The following CAAP1 variants were observed in gnomAD, a reference collection of about 807,000 sequenced individuals.
CAAP1 encodes conserved anti-apoptotic protein.
In CAAP1, 20 loss-of-function variants were observed where a neutral mutation model predicts 34.0. The ratio of observed to expected loss-of-function variants is 0.59; its 90% CI spans 0.41 to 0.86. The LOEUF (loss-of-function observed/expected upper bound fraction) is 0.86, where lower values mean the gene tolerates loss of function less well. Ranked by LOEUF, CAAP1 falls within the 40% of genes least tolerant of loss-of-function variation. CAAP1 has a pLI of 0.00. For missense variants in CAAP1, 538 were observed against 450.5 expected (o/e 1.19, Z -1.76); for synonymous variants, 213 against 166.7 (o/e 1.28, Z -2.14).
At chr9:26,858,849 T>C (rs1448892808) in intron 5 of CAAP1, among the ~76,000 whole-genome samples, 1 of 131,792 alleles carries the variant, frequency 7.6e-6, no homozygotes, top group Admixed American at 7.7e-5. Context: ...GAAAAAGAAA[T>C]TAGCTAGGAA....
chr9:26,871,202 T>C (rs147169949), intron 4 of CAAP1, among the ~76,000 whole-genome samples: 5 of 152,350 alleles, frequency 3.3e-5, no homozygotes, highest in Admixed American at 6.5e-5. Context: ...ACAATTCAAA[T>C]TCTTAGTATT....
At chr9:26,890,606 C>G (rs1823877289) in intron 1 of CAAP1, among the ~76,000 whole-genome samples, 1 of 152,032 alleles carries the variant, frequency 6.6e-6, no homozygotes, top group Non-Finnish European at 1.5e-5. Context: ...CTAATTCAAT[C>G]CATTACAAAA....
rs368238831 is a variant in CAAP1 at position 26,888,522 on chromosome 9, T to C, written c.304-1009A>G. On this transcript the variant is annotated intron_variant, in intron 1 of 5. Coordinates refer to ENST00000333916, the MANE Select transcript of CAAP1 (RefSeq NM_024828.4). ...TGACCACAGAGGTCAGATAGTTGTT[T>C]ACAAAGCAGTTTTAAAATGGGTCAG... Among the ~76,000 whole-genome samples, 4 of 152,256 alleles carry C rather than the reference T, an allele frequency of 2.6e-5. No homozygotes were observed. In the East Asian group the frequency reaches 5.8e-4, roughly 22 times the overall value.
chr9:26,892,184 T>TA lies in CAAP1; in HGVS notation c.303+228dup, dbSNP rs200922414. 1,553 of 1,232,000 alleles carry TA rather than the reference T, an allele frequency of 1.3e-3. 7 individuals are homozygous for TA. In the African/African-American group the frequency reaches 0.016, roughly 12 times the overall value. 76.3% of individuals were successfully genotyped at this position (1,232,000 alleles called of 1,614,324 possible). A position where few individuals can be genotyped will look rare whatever the true frequency, so the allele number is the denominator to read the frequency against. The stretch of plus-strand genomic sequence containing the variant: ...GGAGCCAAGAGTTTAAAAAATAAAT[T>TA]AAAAAAAAAGTGATCAGGAAATCCA... On this transcript the variant is annotated intron_variant, in intron 1 of 5. Transcript: ENST00000333916.
intron 4 of CAAP1, among the ~76,000 whole-genome samples, chr9:26,872,709 A>C (rs1271770408): frequency 6.6e-6 from 1 of 151,948 alleles, no homozygotes; most frequent in Non-Finnish European, 1.5e-5. Flanking sequence ...GGCATAAGCC[A>C]CCATCCCCTA....
rs183631663 is a variant in CAAP1, at chr9:26,857,318, G to A, written c.739+3748C>T. Among the ~76,000 whole-genome samples, 20 of 152,320 alleles carry A rather than the reference G, an allele frequency of 1.3e-4. 1 individual carries two copies. In the East Asian group the frequency reaches 3.1e-3, roughly 23 times the overall value. On this transcript the variant is annotated intron_variant, in intron 5 of 5. Coordinates refer to ENST00000333916, the MANE Select transcript of CAAP1 (RefSeq NM_024828.4). ...GATGTTTCTTATACAACTACATTCT[G>A]AGTGAAATGAATGATTTAAGAAATA...
rs1268532809 is a variant in CAAP1 at position 26,886,093 on chromosome 9, T to C, written c.589+11A>G. ...AAGAAGTTGCCAGAATGTAAAAATA[T>C]GTATTCTTACCCTCAAGAATCTTCA... is the stretch of plus-strand genomic sequence containing the variant. On this transcript the variant is annotated intron_variant, in intron 3 of 5. Transcript: ENST00000333916. 1.4e-6 allele frequency: 2 copies of C among 1,416,488 alleles called. No homozygotes were observed. The highest frequency in any genetic ancestry group is 2.4e-5 in the East Asian group (1 of 42,238). The allele number at this position is 1,416,488 out of a possible 1,614,324, so 87.7% of individuals were successfully genotyped here.
At chr9:26,884,769 C>T (rs1279738306) in intron 4 of CAAP1, 41 bp downstream of exon 4, 1 of 1,375,154 alleles carries the variant, frequency 7.3e-7, no homozygotes, top group Non-Finnish European at 1.0e-6. Context: ...AAAGGAATAA[C>T]AAAGAAATTT....
chr9:26,865,580 G>A (rs919848976), intron 4 of CAAP1, among the ~76,000 whole-genome samples: 1 of 145,610 alleles, frequency 6.9e-6, no homozygotes, highest in Non-Finnish European at 1.5e-5. Flanking sequence ...AAGGAATGGA[G>A]GGGGAAATCC....
intron 4 of CAAP1, among the ~76,000 whole-genome samples, chr9:26,869,691 GCCT>G (rs1195659120): frequency 2.0e-5 from 3 of 152,122 alleles, no homozygotes; most frequent in Non-Finnish European, 4.4e-5. Context: ...ATTATAAATT[GCCT>G]TGGAAACACA....
At chr9:26,884,523 G>A (rs148010379) in intron 4 of CAAP1, among the ~76,000 whole-genome samples, 8 of 152,264 alleles carry the variant, frequency 5.3e-5, no homozygotes. Flanking sequence ...ATCGTGAATA[G>A]TGTATTCAAA....
chr9:26,849,275 A>G (rs1235165324), intron 5 of CAAP1, among the ~76,000 whole-genome samples: 1 of 152,138 alleles, frequency 6.6e-6, no homozygotes. Context: ...AAGCTCTTAA[A>G]CTACTTTACT....
chr9:26,855,821 A>G (rs187607717), intron 5 of CAAP1, among the ~76,000 whole-genome samples: 1 of 152,290 alleles, frequency 6.6e-6, no homozygotes, highest in East Asian at 1.9e-4. Context: ...TAAGAGCGTA[A>G]TGACTAAAAA....
chr9:26,861,968 T>C (rs1823012632), intron 4 of CAAP1, among the ~76,000 whole-genome samples: 1 of 152,182 alleles, frequency 6.6e-6, no homozygotes, highest in Non-Finnish European at 1.5e-5. Context: ...AAGTTTACAA[T>C]ATTCTTTCCA....
intron 4 of CAAP1, among the ~76,000 whole-genome samples, chr9:26,877,484 T>C (rs1823470324): frequency 6.6e-6 from 1 of 152,226 alleles, no homozygotes; most frequent in African/African-American, 2.4e-5. Flanking sequence ...GATGAGTACA[T>C]GCGTATATCA....
Position 26,841,974 on chromosome 9 carries a change from CCAAA to C in CAAP1, c.*323_*326del, listed in dbSNP as rs760407962. On this transcript the variant is annotated 3_prime_UTR_variant, in exon 6 of 6. Coordinates refer to ENST00000333916, the MANE Select transcript of CAAP1 (RefSeq NM_024828.4). ...AATCTTTTGCTTTTAGGTTTGGTGC[CCAAA>C]CATTTAAAAATAAAGAAAAAAATAC... is the stretch of plus-strand genomic sequence containing the variant. 2.2e-5 allele frequency: 4 copies of C among 180,718 alleles called. No homozygotes were observed. Among genetic ancestry groups the C allele is most frequent in the Non-Finnish European group, 2.3e-5 (2 of 87,798 alleles). 11.2% of individuals were successfully genotyped at this position (180,718 alleles called of 1,614,324 possible). A position where few individuals can be genotyped will look rare whatever the true frequency, so the allele number is the denominator to read the frequency against.
chr9:26,860,361 G>A lies in CAAP1; in HGVS notation c.739+705C>T, dbSNP rs75711553. Among the ~76,000 whole-genome samples the A allele has an allele frequency of 4.7e-4, 72 of 152,226 alleles. No individual in the cohort carries two copies. The East Asian group carries it at 0.014, about 29-fold the overall frequency. ...TGATTTAAAGAAAGCAATAAATGAT[G>A]AAGAAAGTAAGTAAACAAGGACAAA... On this transcript the variant is annotated intron_variant, in intron 5 of 5. Transcript: ENST00000333916.
At chr9:26,875,915 A>G (rs1823417636) in intron 4 of CAAP1, among the ~76,000 whole-genome samples, 1 of 152,226 alleles carries the variant, frequency 6.6e-6, no homozygotes, top group Non-Finnish European at 1.5e-5. Context: ...CTAGGCAACC[A>G]ATCTATAACT....
intron 5 of CAAP1, among the ~76,000 whole-genome samples, chr9:26,858,553 T>C (rs1284258410): frequency 1.3e-5 from 2 of 152,210 alleles, no homozygotes; most frequent in African/African-American, 2.4e-5. Flanking sequence ...CTGGGTGCGG[T>C]GGCTCACGCC....
Sources: gnomAD v4.1 joint callset for allele counts (sites outside exome capture counted in the v4.1 genomes callset) on GRCh38, gnomAD v4.1.1 for gene constraint, MANE v1.5 for transcripts, NCBI Gene and HGNC (gene_info 2026-07-23, HGNC 2026-07-21) for gene names.